Variants in BANP observed in about 807,000 individuals in gnomAD.
The protein encoded by BANP is BTG3 associated nuclear protein.
BANP carries 11 observed loss-of-function variants against 68.1 expected under a neutral mutation model. The observed-to-expected ratio is 0.16, with a 90% CI of 0.10 to 0.27. The LOEUF (loss-of-function observed/expected upper bound fraction) is 0.27, where lower values mean the gene tolerates loss of function less well. Ranked by LOEUF, BANP falls within the 10% of genes least tolerant of loss-of-function variation. BANP has a pLI of 1.00. For missense variants in BANP, 504 were observed against 722.7 expected (o/e 0.70, Z 3.47); for synonymous variants, 329 against 303.2 (o/e 1.09, Z -0.88).
chr16:87,971,010 G>A (rs1258180282), intron 1 of BANP, among the ~76,000 whole-genome samples: 6 of 93,154 alleles, frequency 6.4e-5, no homozygotes, highest in African/African-American at 2.1e-4. Flanking sequence ...GAGTGAGACT[G>A]CATCTCAAAA....
At position 88,071,645 on chromosome 16, in the gene BANP, C is replaced by T. The variant is rs1277791953; in HGVS notation, c.1378-424C>T. The T allele has an allele frequency of 2.1e-6, 1 of 465,452 alleles. No homozygotes were observed. Among genetic ancestry groups the T allele is most frequent in the South Asian group, 1.5e-5 (1 of 64,618 alleles). The allele number at this position is 465,452 out of a possible 1,614,324, so 28.8% of individuals were successfully genotyped here. A position where few individuals can be genotyped will look rare whatever the true frequency, so the allele number is the denominator to read the frequency against. ...GAATGGGGAGGGTTTGGGTCTCAGC[C>T]TCACGCTCACGGTCCTGGCTTGGAT... On this transcript the variant is annotated intron_variant, in intron 12 of 13. Transcript: ENST00000682872. The surrounding 1 kb of genome is among the most constrained non-coding windows in gnomAD (Gnocchi z 6.5).
At chr16:88,038,491 A>G (rs1346112230) in intron 11 of BANP, among the ~76,000 whole-genome samples, 5 of 108,538 alleles carry the variant, frequency 4.6e-5, no homozygotes, top group Non-Finnish European at 5.3e-5. Flanking sequence ...CACCCCCTTC[A>G]GATGGTTATT....
intron 11 of BANP, among the ~76,000 whole-genome samples, chr16:88,053,562 C>T (rs1274324829): frequency 2.1e-5 from 3 of 145,330 alleles, no homozygotes; most frequent in Non-Finnish European, 4.5e-5. Context: ...CCACCACCTC[C>T]ACCATCATCT....
At chr16:88,051,036 C>T (rs1246790203) in intron 11 of BANP, among the ~76,000 whole-genome samples, 3 of 152,190 alleles carry the variant, frequency 2.0e-5, no homozygotes, top group Non-Finnish European at 4.4e-5. Flanking sequence ...CCCAGAACCC[C>T]GTAGAATGCT....
rs749450850 is a variant in BANP, at chr16:88,071,496, AC to A, written c.1378-571del. 114 of 456,366 alleles carry A rather than the reference AC, an allele frequency of 2.5e-4. No individual in the cohort carries two copies. Among genetic ancestry groups the A allele is most frequent in the African/African-American group, 2.1e-3 (106 of 50,202 alleles). 28.3% of individuals were successfully genotyped at this position (456,366 alleles called of 1,614,324 possible). A position where few individuals can be genotyped will look rare whatever the true frequency, so the allele number is the denominator to read the frequency against. ...GGGAGGGCCAGCGGGGCTCTCTGCC[AC>A]CAGGACTCACTTCCGCCCATCTTGG... is the stretch of plus-strand genomic sequence containing the variant. On this transcript the variant is annotated intron_variant, in intron 12 of 13. Transcript: ENST00000682872. The surrounding 1 kb of genome is among the most constrained non-coding windows in gnomAD (Gnocchi z 6.5).
At chr16:88,069,717 T>A (rs1003859868) in intron 12 of BANP, among the ~76,000 whole-genome samples, 1 of 152,200 alleles carries the variant, frequency 6.6e-6, no homozygotes, top group Non-Finnish European at 1.5e-5. Flanking sequence ...CTGATGTCAA[T>A]GCACGCACTT....
chr16:88,047,232 A>G (rs939395858), intron 11 of BANP, among the ~76,000 whole-genome samples: 3 of 152,156 alleles, frequency 2.0e-5, no homozygotes, highest in African/African-American at 7.2e-5. Context: ...GGGTCACGTA[A>G]CGCAGGACAC....
chr16:88,072,283 G>A (rs1020337513), intron 13 of BANP, 71 bp downstream of exon 13: 29 of 1,521,718 alleles, frequency 1.9e-5, no homozygotes, highest in East Asian at 4.6e-5. Context: ...CCGGGCACAC[G>A]TGGCCCCGGG....
intron 11 of BANP, 136 bp downstream of exon 11, chr16:88,038,147 GCTCTCACGGGAGGGGTGGGA>G: frequency 2.1e-6 from 1 of 474,868 alleles, no homozygotes; most frequent in South Asian, 2.2e-5. Context: ...GAGGGGTGGG[GCTCTCACGGGAGGGGTGGGA>G]CGGTCATTGT....
chr16:88,021,486 G>A (rs528084518), intron 7 of BANP, among the ~76,000 whole-genome samples: 32 of 152,294 alleles, frequency 2.1e-4, no homozygotes, highest in Middle Eastern at 6.8e-3. Flanking sequence ...CCGTGTGGAG[G>A]GGCCTGGAGC....
intron 1 of BANP, among the ~76,000 whole-genome samples, chr16:87,958,610 A>C (rs1208053933): frequency 1.3e-5 from 2 of 151,950 alleles, no homozygotes; most frequent in Admixed American, 6.6e-5. Flanking sequence ...CTGGAGGATC[A>C]CTCGAGCCCG....
intron 11 of BANP, among the ~76,000 whole-genome samples, chr16:88,041,842 C>G (rs1403243136): frequency 6.6e-6 from 1 of 152,216 alleles, no homozygotes; most frequent in Non-Finnish European, 1.5e-5. Context: ...TGAGCCTGCA[C>G]TAAGGAATGC....
chr16:87,951,423 G>A (rs897315092), upstream of BANP: 22 of 151,800 alleles, frequency 1.4e-4, no homozygotes, highest in African/African-American at 5.3e-4. Context: ...AGGGGCTCGC[G>A]GCGCCTGCGC....
intron 11 of BANP, among the ~76,000 whole-genome samples, chr16:88,043,772 G>A (rs2081344972): frequency 6.6e-6 from 1 of 152,076 alleles, no homozygotes; most frequent in Non-Finnish European, 1.5e-5. Context: ...TCAGACAGAC[G>A]GTGCCAGGAG....
intron 11 of BANP, among the ~76,000 whole-genome samples, chr16:88,050,585 C>T (rs1413210280): frequency 2.0e-5 from 3 of 152,194 alleles, no homozygotes; most frequent in Non-Finnish European, 2.9e-5. Flanking sequence ...CCAGACCTGG[C>T]GGAATTAGGA....
In BANP at chr16:87,953,290, C is replaced by G. The variant is rs144065114; in HGVS notation, c.-69+1775C>G. ...ACAATGAAAAGCAATGGTCCCCTGCCCCACCTCTCAGCCCCGTTCTTCAAA... is the reference window on the plus strand; with the variant it reads ...ACAATGAAAAGCAATGGTCCCCTGCGCCACCTCTCAGCCCCGTTCTTCAAA... On this transcript the variant is annotated intron_variant, in intron 1 of 13. Coordinates refer to ENST00000682872, the MANE Select transcript of BANP (RefSeq NM_001386991.1). 7.5e-3 allele frequency among the ~76,000 whole-genome samples: 1,135 copies of G among 152,278 alleles called. 8 individuals are homozygous for G. Among genetic ancestry groups the G allele is most frequent in the Non-Finnish European group, 0.013 (878 of 68,024 alleles).
chr16:88,008,621 A>G (rs535447558), intron 6 of BANP, among the ~76,000 whole-genome samples: 2 of 152,346 alleles, frequency 1.3e-5, no homozygotes, highest in East Asian at 3.9e-4. Flanking sequence ...TTTGGAGCTT[A>G]CTTAGTATTG....
At chr16:88,066,207 T>A (rs536868367) in intron 12 of BANP, among the ~76,000 whole-genome samples, 31 of 152,242 alleles carry the variant, frequency 2.0e-4, no homozygotes, top group Middle Eastern at 3.4e-3. Context: ...ATCCCTCAGG[T>A]ACACAGCTTT....
At chr16:87,963,699 A>G (rs537759309) in intron 1 of BANP, among the ~76,000 whole-genome samples, 49 of 152,334 alleles carry the variant, frequency 3.2e-4, no homozygotes, top group African/African-American at 1.2e-3. Flanking sequence ...CTAATGATGC[A>G]TGTGATGTGG....
Sources: allele counts gnomAD v4.1 joint callset (sites outside exome capture counted in the v4.1 genomes callset), GRCh38; gene constraint gnomAD v4.1.1; non-coding constraint Gnocchi (gnomAD v3.1); transcripts MANE v1.5; gene names NCBI Gene and HGNC (gene_info 2026-07-23, HGNC 2026-07-21).